The following AMMECR1L variants were observed in gnomAD, a reference collection of about 807,000 sequenced individuals.
AMMECR1L encodes the protein AMMECR1-like protein.
A neutral mutation model predicts 36.8 loss-of-function variants in AMMECR1L; 4 were observed. The ratio of observed to expected loss-of-function variants is 0.11; its 90% confidence interval spans 0.05 to 0.25. The LOEUF (loss-of-function observed/expected upper bound fraction) is 0.25. Among genes scored for constraint, AMMECR1L ranks in the 10% least tolerant of loss-of-function variants. The pLI is 1.00. For synonymous variants in AMMECR1L, 147 were observed against 148.0 expected (o/e 0.99, Z 0.05); for missense variants, 232 against 392.1 (o/e 0.59, Z 3.45).
chr2:127,867,657 A>G (rs1690751078), intron 6 of AMMECR1L, among the ~76,000 whole-genome samples: 1 of 151,614 alleles, frequency 6.6e-6, no homozygotes, highest in Non-Finnish European at 1.5e-5. Flanking sequence ...GAGGTGGGAG[A>G]ATCATCTGAG....
rs1365305785 is a variant in AMMECR1L at position 127,869,420 on chromosome 2, T to C, written c.724+34A>G. 2.6e-6 allele frequency: 4 copies of C among 1,566,596 alleles called. No homozygotes were observed. The African/African-American group carries it at 5.4e-5, about 21-fold the overall frequency. On this transcript the variant is annotated intron_variant, in intron 6 of 7. Transcript: ENST00000272647. This position sits in a 1 kb window ranked among gnomAD's most constrained non-coding sequence, Gnocchi z 4.7. ...CTTTAACTGGCACCACTGTGAATGA[T>C]ACTTGTCATTAAAATCCCATTCATC...
At position 127,865,052 on chromosome 2, in the gene AMMECR1L, T is replaced by G; in HGVS notation, c.*42A>C. 3.7e-5 allele frequency: 51 copies of G among 1,385,894 alleles called. No individual in the cohort carries two copies. Among genetic ancestry groups the G allele is most frequent in the Non-Finnish European group, 4.9e-5 (48 of 978,796 alleles). The allele number at this position is 1,385,894 out of a possible 1,614,324, so 85.8% of individuals were successfully genotyped here. A position where few individuals can be genotyped will look rare whatever the true frequency, so the allele number is the denominator to read the frequency against. ...ATCTGCTCCAATGATGTCATAGCCA[T>G]TGGTGGCCACGGGGGGGTGGGACTG... On this transcript the variant is annotated 3_prime_UTR_variant, in exon 8 of 8. Coordinates refer to ENST00000272647, the MANE Select transcript of AMMECR1L (RefSeq NM_001199140.2). This position sits in a 1 kb window ranked among gnomAD's most constrained non-coding sequence, Gnocchi z 5.4.
At chr2:127,872,137 C>A (rs1320886426) in intron 3 of AMMECR1L, among the ~76,000 whole-genome samples, 2 of 148,982 alleles carry the variant, frequency 1.3e-5, no homozygotes, top group Non-Finnish European at 3.0e-5. Context: ...TGCAGTGAAC[C>A]GAGATTGTGC....
rs1219277238 is a variant in AMMECR1L, at chr2:127,874,346, G to A, written c.-38-74C>T. On this transcript the variant is annotated intron_variant, in intron 2 of 7. Transcript: ENST00000272647. This position sits in a 1 kb window ranked among gnomAD's most constrained non-coding sequence, Gnocchi z 5.2. ...GAGAGGAAAAAACATCAAAGATAGA[G>A]AGTCTGCATTGACCAGCTAAGAGCT... The A allele has an allele frequency of 9.4e-6, 13 of 1,381,262 alleles. No individual in the cohort carries two copies. The East Asian group carries it at 1.7e-4, about 18-fold the overall frequency. 85.6% of individuals were successfully genotyped at this position (1,381,262 alleles called of 1,614,324 possible).
chr2:127,877,335 A>G (rs1367723557), intron 2 of AMMECR1L, among the ~76,000 whole-genome samples: 2 of 118,886 alleles, frequency 1.7e-5, no homozygotes, highest in African/African-American at 7.4e-5. Context: ...GCAGCGCTAG[A>G]ATTTTTTTTT....
chr2:127,870,860 G>A lies in AMMECR1L; in HGVS notation c.587C>T (p.Ser196Phe). The stretch of plus-strand genomic sequence containing the variant: ...GGCATCCTCAAAGTTAGTAAGGAGG[G>A]AGACAGAGCAGAAAAGTTTAGGCAG... ...EELPKLFCSV[S>F]LLTNFEDASD... The change falls in exon 5 of 8, where the codon TCC becomes TTC. Residue 196 changes from serine (S) to phenylalanine (F), a missense_variant. Around this residue, in one of 3 missense-constraint regions of AMMECR1L, gnomAD observed 83 missense variants for 229.5 expected, o/e 0.36. Coordinates refer to ENST00000272647, the MANE Select transcript of AMMECR1L (RefSeq NM_001199140.2). 6.2e-7 allele frequency: 1 copy of A among 1,613,658 alleles called. No homozygotes were observed. The highest frequency in any genetic ancestry group is 8.5e-7 in the Non-Finnish European group (1 of 1,179,896).
intron 7 of AMMECR1L, among the ~76,000 whole-genome samples, chr2:127,866,574 T>C (rs754235054): frequency 6.6e-5 from 10 of 152,360 alleles, no homozygotes; most frequent in Non-Finnish European, 1.3e-4. Flanking sequence ...GCACCTCAAC[T>C]GACTCTGGAC....
rs2104734320 is a variant in AMMECR1L at position 127,862,059 on chromosome 2, TCA to T, written c.*3033_*3034del. 1 of 152,784 alleles carries T rather than the reference TCA, an allele frequency of 6.5e-6. No individual in the cohort carries two copies. The highest frequency in any genetic ancestry group is 2.4e-5 in the African/African-American group (1 of 41,556). 9.5% of individuals were successfully genotyped at this position (152,784 alleles called of 1,614,324 possible). A position where few individuals can be genotyped will look rare whatever the true frequency, so the allele number is the denominator to read the frequency against. On this transcript the variant is annotated 3_prime_UTR_variant, in exon 8 of 8. Coordinates refer to ENST00000272647, the MANE Select transcript of AMMECR1L (RefSeq NM_001199140.2). ...ATGAAGCAAAAAAGTTTTAAGAATC[TCA>T]CAGTGGAAATAATCCAACACCGACA...
Position 127,870,900 on chromosome 2 carries a change from G to A in AMMECR1L, c.547C>T (p.Leu183=). The A allele has an allele frequency of 6.2e-7, 1 of 1,610,410 alleles. No individual in the cohort carries two copies. Among genetic ancestry groups the A allele is most frequent in the Non-Finnish European group, 8.5e-7 (1 of 1,178,048 alleles). ...AGTTTAGGCAGCTCCTCTCGGGTCA[G>A]GGGGGGAAATCGGCTGTCCTTAAGT... ...SALKDSRFPP[L]TREELPKLFC... The change falls in exon 5 of 8, where the codon CTG becomes TTG. Residue 183 remains leucine (L), a synonymous_variant. Coordinates refer to ENST00000272647, the MANE Select transcript of AMMECR1L (RefSeq NM_001199140.2).
rs1396220678 is a variant in AMMECR1L, at chr2:127,871,770, C to A, written c.408-411G>T. ...TGATGACACGCCTCACCTGCACAGC[C>A]CCGTTCATCTGCAAACCCATGTTGC... is the stretch of plus-strand genomic sequence containing the variant. On this transcript the variant is annotated intron_variant, in intron 3 of 7. Transcript: ENST00000272647. This position sits in a 1 kb window ranked among gnomAD's most constrained non-coding sequence, Gnocchi z 4.3. Among the ~76,000 whole-genome samples, 2 of 152,170 alleles carry A rather than the reference C, an allele frequency of 1.3e-5. No individual in the cohort carries two copies. Among genetic ancestry groups the A allele is most frequent in the East Asian group, 3.8e-4 (2 of 5,206 alleles).
In AMMECR1L at chr2:127,865,420, G is replaced by A. The variant is rs1029180212; in HGVS notation, c.822-215C>T. Among the ~76,000 whole-genome samples the A allele has an allele frequency of 4.6e-5, 7 of 152,196 alleles. No individual in the cohort carries two copies. Among genetic ancestry groups the A allele is most frequent in the Middle Eastern group, 3.4e-3 (1 of 294 alleles). ...GAAAAAGCACAATCACAATTCCCCC[G>A]AGAATGTGTTTCAGCACATCCCACC... On this transcript the variant is annotated intron_variant, in intron 7 of 7. Coordinates refer to ENST00000272647, the MANE Select transcript of AMMECR1L (RefSeq NM_001199140.2). This position sits in a 1 kb window ranked among gnomAD's most constrained non-coding sequence, Gnocchi z 5.4.
chr2:127,867,521 A>C (rs1690745392), intron 6 of AMMECR1L, among the ~76,000 whole-genome samples: 1 of 152,166 alleles, frequency 6.6e-6, no homozygotes, highest in African/African-American at 2.4e-5. Flanking sequence ...CTGAGGCAGG[A>C]GGATCACTTG....
chr2:127,871,662 T>C lies in AMMECR1L; in HGVS notation c.408-303A>G, dbSNP rs1179275349. ...ACTTTCCTCTTTCTCTGCCCAAGACTCAACTTTTCCTTCGAATTCTCCAGT... is the reference window on the plus strand; with the variant it reads ...ACTTTCCTCTTTCTCTGCCCAAGACCCAACTTTTCCTTCGAATTCTCCAGT... On this transcript the variant is annotated intron_variant, in intron 3 of 7. Transcript: ENST00000272647. This position sits in a 1 kb window ranked among gnomAD's most constrained non-coding sequence, Gnocchi z 4.3. Among the ~76,000 whole-genome samples the C allele has an allele frequency of 6.6e-6, 1 of 152,146 alleles. No individual in the cohort carries two copies. Among genetic ancestry groups the C allele is most frequent in the Non-Finnish European group, 1.5e-5 (1 of 68,026 alleles).
At chr2:127,885,499 T>A in intron 1 of AMMECR1L, 1 of 981,222 alleles carries the variant, frequency 1.0e-6, no homozygotes, top group Non-Finnish European at 1.2e-6. Context: ...GCCTGCTTCC[T>A]GGAGGGAGTG....
At chr2:127,876,339 G>A (rs1347234959) in intron 2 of AMMECR1L, among the ~76,000 whole-genome samples, 6 of 128,738 alleles carry the variant, frequency 4.7e-5, no homozygotes, top group Non-Finnish European at 6.5e-5. Context: ...AACAGAGCAA[G>A]GCCCTGTCTC....
At position 127,874,213 on chromosome 2, in the gene AMMECR1L, G is replaced by A; in HGVS notation, c.22C>T (p.Pro8Ser). ...GCTGCCAACTTGGGCTCGAGTGGAG[G>A]AACACAACGTCTTTTTCCCATCCTG... is the stretch of plus-strand genomic sequence containing the variant. MGKRRCV[P>S]PLEPKLAAGC... Residue 8 changes from proline to serine, a missense_variant, in exon 3 of 8, where the codon CCT becomes TCT. Coordinates refer to ENST00000272647, the MANE Select transcript of AMMECR1L (RefSeq NM_001199140.2). This position sits in a 1 kb window ranked among gnomAD's most constrained non-coding sequence, Gnocchi z 5.2. 2.5e-6 allele frequency: 4 copies of A among 1,614,150 alleles called. No homozygotes were observed. The highest frequency in any genetic ancestry group is 3.4e-6 in the Non-Finnish European group (4 of 1,180,032).
In AMMECR1L at chr2:127,863,257, G is replaced by A. The variant is rs916690334; in HGVS notation, c.*1837C>T. On this transcript the variant is annotated 3_prime_UTR_variant, in exon 8 of 8. Coordinates refer to ENST00000272647, the MANE Select transcript of AMMECR1L (RefSeq NM_001199140.2). ...TTTATTCTCAGCAGCAGGAAATCAC[G>A]AAACGACCCCTCCATCTTCATTTAC... 6.6e-6 allele frequency: 1 copy of A among 152,582 alleles called. No homozygotes were observed. The highest frequency in any genetic ancestry group is 1.5e-5 in the Non-Finnish European group (1 of 68,058). The allele number at this position is 152,582 out of a possible 1,614,324, so 9.5% of individuals were successfully genotyped here.
chr2:127,876,044 C>T (rs1375123911), intron 2 of AMMECR1L, among the ~76,000 whole-genome samples: 1 of 151,898 alleles, frequency 6.6e-6, no homozygotes. Flanking sequence ...GGATCCGCTC[C>T]CCGCCCCGCC....
At chr2:127,882,427 T>A (rs551273860) in intron 2 of AMMECR1L, among the ~76,000 whole-genome samples, 3 of 152,340 alleles carry the variant, frequency 2.0e-5, no homozygotes, top group African/African-American at 7.2e-5. Context: ...TGAGCTATAA[T>A]TCTGTCCTAC....
Sources: gnomAD v4.1 joint callset for allele counts (sites outside exome capture counted in the v4.1 genomes callset) on GRCh38, gnomAD v4.1.1 for gene constraint, gnomAD v4.1.1 regional missense constraint, Gnocchi (gnomAD v3.1) non-coding constraint, MANE v1.5 for transcripts, NCBI Gene and HGNC (gene_info 2026-07-23, HGNC 2026-07-21) for gene names.